The following SLCO6A1 variants were observed in gnomAD, a reference collection of about 807,000 sequenced individuals.
SLCO6A1 encodes solute carrier organic anion transporter family member 6A1.
Under a neutral mutation model 72.7 loss-of-function variants are expected in SLCO6A1, and 65 were observed. The observed-to-expected ratio is 0.89, with a 90% CI of 0.73 to 1.10. The LOEUF (loss-of-function observed/expected upper bound fraction) is 1.10, where lower values mean the gene tolerates loss of function less well. Among genes scored for constraint, SLCO6A1 ranks in the 50% least tolerant of loss-of-function variants. The probability of loss-of-function intolerance (pLI) is 0.00; values close to 1 mark genes in which losing one functional copy is unlikely to be tolerated. For missense variants in SLCO6A1, 874 were observed against 872.6 expected, an observed-to-expected ratio of 1.00 and a Z score of -0.02; for synonymous variants, 314 against 298.2, an observed-to-expected ratio of 1.05 and a Z score of -0.55.
intron 8 of SLCO6A1, 96 bp downstream of exon 8, chr5:102,419,730 A>G: frequency 2.1e-6 from 2 of 961,686 alleles, no homozygotes; most frequent in East Asian, 5.8e-5. Context: ...TAATTATATG[A>G]ACATATAAGG....
chr5:102,408,210 C>T (rs945507002), intron 9 of SLCO6A1, among the ~76,000 whole-genome samples: 2 of 151,648 alleles, frequency 1.3e-5, no homozygotes, highest in African/African-American at 2.4e-5. Flanking sequence ...ACAATTATAG[C>T]AATACTGTAA....
chr5:102,497,336 G>C (rs1752953507), intron 1 of SLCO6A1, among the ~76,000 whole-genome samples: 1 of 152,232 alleles, frequency 6.6e-6, no homozygotes, highest in Non-Finnish European at 1.5e-5. Flanking sequence ...TCGCAAATTT[G>C]TGAGCAGGAT....
chr5:102,423,147 A>C (rs1185471150), intron 7 of SLCO6A1, among the ~76,000 whole-genome samples: 2 of 152,142 alleles, frequency 1.3e-5, no homozygotes. Flanking sequence ...GGAAGGAAAA[A>C]CTAGTACCAG....
chr5:102,468,911 T>C (rs1250705084), intron 4 of SLCO6A1, among the ~76,000 whole-genome samples: 2 of 152,160 alleles, frequency 1.3e-5, no homozygotes, highest in African/African-American at 4.8e-5. Flanking sequence ...ATTTATTAAA[T>C]AGGGAATCCT....
At chr5:102,480,971 T>G (rs1335399519) in intron 1 of SLCO6A1, among the ~76,000 whole-genome samples, 1 of 152,228 alleles carries the variant, frequency 6.6e-6, no homozygotes, top group African/African-American at 2.4e-5. Flanking sequence ...GTTTTTCATG[T>G]TCCTGAATGT....
intron 6 of SLCO6A1, among the ~76,000 whole-genome samples, chr5:102,445,377 G>C (rs984282725): frequency 1.3e-5 from 2 of 152,116 alleles, no homozygotes; most frequent in Non-Finnish European, 2.9e-5. Context: ...CTTTTGAAAA[G>C]ACACTCTTGA....
At chr5:102,412,634 G>A (rs1022271021) in intron 9 of SLCO6A1, among the ~76,000 whole-genome samples, 5 of 152,070 alleles carry the variant, frequency 3.3e-5, no homozygotes, top group South Asian at 4.2e-4. Context: ...GGTGGTGTGC[G>A]CCTGTAGTTT....
At chr5:102,469,257 T>C (rs1158311182) in intron 4 of SLCO6A1, among the ~76,000 whole-genome samples, 2 of 152,124 alleles carry the variant, frequency 1.3e-5, no homozygotes, top group Admixed American at 6.6e-5. Flanking sequence ...TTGGGCAGTA[T>C]GGCTATTTTC....
In SLCO6A1 at chr5:102,491,997, G is replaced by C. The variant is rs143928041; in HGVS notation, c.358+6490C>G. Among the ~76,000 whole-genome samples, 153 of 152,372 alleles carry C rather than the reference G, an allele frequency of 1.0e-3. 1 individual carries two copies. Among genetic ancestry groups the C allele is most frequent in the Middle Eastern group, 6.8e-3 (2 of 294 alleles). ...TTACAATCATTGTGGAAAGTGAAGC[G>C]AAAGCAGTCACATCTTACATGGCCA... On this transcript the variant is annotated intron_variant, in intron 1 of 13. Transcript: ENST00000506729.
At chr5:102,373,196 T>C (rs1046653732) in intron 13 of SLCO6A1, 141 bp downstream of exon 13, 9 of 422,012 alleles carry the variant, frequency 2.1e-5, no homozygotes, top group Middle Eastern at 8.2e-4. Flanking sequence ...CAGACTATAT[T>C]ATTATATTTG....
intron 7 of SLCO6A1, among the ~76,000 whole-genome samples, chr5:102,420,320 A>T (rs1026876133): frequency 1.3e-5 from 2 of 152,198 alleles, no homozygotes; most frequent in Non-Finnish European, 2.9e-5. Context: ...TGCAAAATGG[A>T]AGACGAGAGC....
Position 102,480,238 on chromosome 5 carries a change from T to G in SLCO6A1, c.555A>C (p.Ser185=), listed in dbSNP as rs1752119326. 1 of 1,612,834 alleles carries G rather than the reference T, an allele frequency of 6.2e-7. No individual in the cohort carries two copies. ...VASSFLIGLG[S]LLCAFPSINE... ...TAATGGATGGAAAAGCACATAAAAG[T>G]GATCCAAGTCCTATTAAAAAGGAGG... Residue 185 remains serine, a synonymous_variant, in exon 2 of 14, where the codon TCA becomes TCC. Transcript: ENST00000506729.
Position 102,459,211 on chromosome 5 carries a change from A to G in SLCO6A1, c.1021+445T>C, listed in dbSNP as rs571738863. ...GATAGTTTGAGGCCAGGAGTTTAAG[A>G]CTAGCCTGCACAACATAGCAAGACT... On this transcript the variant is annotated intron_variant, in intron 5 of 13. Coordinates refer to ENST00000506729, the MANE Select transcript of SLCO6A1 (RefSeq NM_173488.5). Among the ~76,000 whole-genome samples, 206 of 152,252 alleles carry G rather than the reference A, an allele frequency of 1.4e-3. 2 individuals carry two copies. Among genetic ancestry groups the G allele is most frequent in the Middle Eastern group, 6.8e-3 (2 of 294 alleles).
chr5:102,419,881 T>C lies in SLCO6A1; in HGVS notation c.1417A>G (p.Ile473Val), dbSNP rs753990127. ...VISLILLVFI[I>V]FVRCNPVQFA... ...TGCACTGGATTACAGCGTACAAAAATAATAAACACAAGCAGTATAAGTGAT... is the reference window on the plus strand; with the variant it reads ...TGCACTGGATTACAGCGTACAAAAACAATAAACACAAGCAGTATAAGTGAT... The change falls in exon 8 of 14, where the codon ATT (isoleucine) becomes GTT (valine). Residue 473 changes from isoleucine (I) to valine (V), a missense_variant. By Grantham distance (29) the Ile-to-Val change is conservative (BLOSUM62 3). Transcript: ENST00000506729. The C allele has an allele frequency of 2.9e-5, 46 of 1,607,630 alleles. No homozygotes were observed. Among genetic ancestry groups the C allele is most frequent in the South Asian group, 1.6e-4 (14 of 89,296 alleles).
In SLCO6A1 at chr5:102,475,834, TA is replaced by T. The variant is rs752312951; in HGVS notation, c.803-42del. The T allele has an allele frequency of 1.4e-5, 20 of 1,427,736 alleles. No homozygotes were observed. In the South Asian group the frequency reaches 2.6e-4, roughly 18 times the overall value. 88.4% of individuals were successfully genotyped at this position (1,427,736 alleles called of 1,614,324 possible). ...TGAAACTGAACATCAAACAATTTCA[TA>T]AGCCAGCTTCGTTATGATAAAAATT... On this transcript the variant is annotated intron_variant, in intron 3 of 13. Transcript: ENST00000506729.
At position 102,400,773 on chromosome 5, in the gene SLCO6A1, T is replaced by C. The variant is rs140727439; in HGVS notation, c.1627-1031A>G. 9.8e-4 allele frequency among the ~76,000 whole-genome samples: 149 copies of C among 152,152 alleles called. 3 individuals are homozygous for C. Among genetic ancestry groups the C allele is most frequent in the Admixed American group, 9.4e-3 (143 of 15,258 alleles). On this transcript the variant is annotated intron_variant, in intron 9 of 13. Transcript: ENST00000506729. The stretch of plus-strand genomic sequence containing the variant: ...ATAATTCAGACAAATTTATGTCAGT[T>C]TGATAGGTGAAGTTGCTGAGAGGTT...
intron 9 of SLCO6A1, among the ~76,000 whole-genome samples, chr5:102,406,808 T>G (rs1408792653): frequency 2.0e-5 from 3 of 151,732 alleles, no homozygotes; most frequent in Non-Finnish European, 4.4e-5. Flanking sequence ...AGAAAATGGG[T>G]TTAACAGCAG....
At chr5:102,469,054 T>G (rs1751458794) in intron 4 of SLCO6A1, among the ~76,000 whole-genome samples, 1 of 152,186 alleles carries the variant, frequency 6.6e-6, no homozygotes, top group Non-Finnish European at 1.5e-5. Context: ...GCTGTTTTGC[T>G]TACTGTAGCC....
intron 4 of SLCO6A1, among the ~76,000 whole-genome samples, chr5:102,468,476 CAT>C (rs1325236179): frequency 2.0e-5 from 3 of 151,928 alleles, no homozygotes; most frequent in Non-Finnish European, 4.4e-5. Context: ...TCATTTCTTA[CAT>C]AGAGTAGTAA....
Sources: allele counts gnomAD v4.1 joint callset (sites outside exome capture counted in the v4.1 genomes callset), GRCh38; gene constraint gnomAD v4.1.1; transcripts MANE v1.5; gene names NCBI Gene and HGNC (gene_info 2026-07-23, HGNC 2026-07-21).